The following MSRA variants were observed in gnomAD, a reference collection of about 807,000 sequenced individuals.
MSRA encodes methionine sulfoxide reductase A.
In MSRA, 54 loss-of-function variants were observed where a neutral mutation model predicts 31.3. The observed-to-expected ratio is 1.73, with a 90% confidence interval of 1.39 to 2.17. MSRA has a LOEUF of 2.17. Ranked by LOEUF, MSRA falls within the 30% of genes most tolerant of loss-of-function variation. The probability of loss-of-function intolerance (pLI) is 0.00; values close to 1 mark genes in which losing one functional copy is unlikely to be tolerated. For missense variants in MSRA, 507 were observed against 300.9 expected (o/e 1.69, Z -5.07); for synonymous variants, 169 against 116.5 (o/e 1.45, Z -2.90).
chr8:10,149,471 C>A (rs759633858), intron 1 of MSRA, among the ~76,000 whole-genome samples: 5 of 152,228 alleles, frequency 3.3e-5, no homozygotes, highest in Non-Finnish European at 7.3e-5. Flanking sequence ...CCTGCCCAGG[C>A]CCCTCCAGGG....
chr8:10,214,005 G>T (rs1809755499), intron 2 of MSRA, among the ~76,000 whole-genome samples: 1 of 152,146 alleles, frequency 6.6e-6, no homozygotes, highest in Non-Finnish European at 1.5e-5. Context: ...TCTTTGGGTT[G>T]TCGTGAGTTT....
intron 1 of MSRA, among the ~76,000 whole-genome samples, chr8:10,181,006 C>G (rs1488358477): frequency 6.6e-6 from 1 of 152,180 alleles, no homozygotes; most frequent in Non-Finnish European, 1.5e-5. Context: ...CTGGACTTCT[C>G]TATCAAATCC....
chr8:10,199,935 A>G (rs537745243), intron 1 of MSRA, among the ~76,000 whole-genome samples: 80 of 152,262 alleles, frequency 5.3e-4, no homozygotes, highest in African/African-American at 1.9e-3. Flanking sequence ...ACATGAGCCA[A>G]AGGACCCGCC....
chr8:10,137,952 G>T (rs560049620), intron 1 of MSRA, among the ~76,000 whole-genome samples: 1 of 152,314 alleles, frequency 6.6e-6, no homozygotes, highest in African/African-American at 2.4e-5. Flanking sequence ...TTCATAGAAG[G>T]AAACTGAAGA....
intron 3 of MSRA, among the ~76,000 whole-genome samples, chr8:10,269,762 C>A (rs1302690145): frequency 6.6e-6 from 1 of 152,232 alleles, no homozygotes; most frequent in African/African-American, 2.4e-5. Flanking sequence ...CGCCATTCCC[C>A]TGCCTCAGCC....
chr8:10,313,042 C>G (rs1426462755), intron 4 of MSRA, among the ~76,000 whole-genome samples: 1 of 152,162 alleles, frequency 6.6e-6, no homozygotes, highest in African/African-American at 2.4e-5. Context: ...TACATGTATG[C>G]TGATTGAAAA....
intron 1 of MSRA, among the ~76,000 whole-genome samples, chr8:10,154,805 A>T (rs1371813768): frequency 6.6e-6 from 1 of 152,092 alleles, no homozygotes; most frequent in African/African-American, 2.4e-5. Flanking sequence ...AGAAAATCAC[A>T]TGTATATTGA....
intron 1 of MSRA, among the ~76,000 whole-genome samples, chr8:10,097,234 C>T (rs1349198982): frequency 6.6e-6 from 1 of 152,114 alleles, no homozygotes; most frequent in Non-Finnish European, 1.5e-5. Flanking sequence ...TAAGTATGTT[C>T]TTCAACTTTT....
chr8:10,182,798 C>T (rs1408668236), intron 1 of MSRA, among the ~76,000 whole-genome samples: 2 of 152,226 alleles, frequency 1.3e-5, no homozygotes, highest in Admixed American at 1.3e-4. Context: ...CATCAAAGCA[C>T]CAGAGAGAGT....
intron 5 of MSRA, among the ~76,000 whole-genome samples, chr8:10,400,819 T>C (rs369336697): frequency 1.3e-5 from 2 of 152,306 alleles, no homozygotes; most frequent in African/African-American, 4.8e-5. Context: ...TGTGAGTGAA[T>C]GTAACTAAAA....
chr8:10,119,059 G>T (rs1437871920), intron 1 of MSRA, among the ~76,000 whole-genome samples: 2 of 152,152 alleles, frequency 1.3e-5, no homozygotes, highest in Admixed American at 1.3e-4. Context: ...AATCCCCTGT[G>T]AGCAGGATGG....
intron 1 of MSRA, among the ~76,000 whole-genome samples, chr8:10,128,695 A>G (rs1801673873): frequency 6.6e-6 from 1 of 152,200 alleles, no homozygotes; most frequent in South Asian, 2.1e-4. Flanking sequence ...TCCAGAACGG[A>G]CAGCAGCTAC....
chr8:10,220,810 C>T (rs1318295058), intron 2 of MSRA, among the ~76,000 whole-genome samples: 1 of 152,174 alleles, frequency 6.6e-6, no homozygotes, highest in Non-Finnish European at 1.5e-5. Context: ...TGGCAGTGGG[C>T]ACTCACATTG....
chr8:10,253,849 C>T (rs868142288), intron 3 of MSRA, among the ~76,000 whole-genome samples: 21 of 151,314 alleles, frequency 1.4e-4, no homozygotes, highest in Non-Finnish European at 2.5e-4. Flanking sequence ...ATAAAGGTTT[C>T]TTTTTTTTTT....
At chr8:10,133,049 C>T (rs1802013436) in intron 1 of MSRA, among the ~76,000 whole-genome samples, 1 of 152,148 alleles carries the variant, frequency 6.6e-6, no homozygotes, top group Non-Finnish European at 1.5e-5. Flanking sequence ...CTTTTAAAGG[C>T]CTACAGCCAT....
chr8:10,362,110 C>T (rs538635341), intron 5 of MSRA, among the ~76,000 whole-genome samples: 30 of 152,258 alleles, frequency 2.0e-4, no homozygotes, highest in Admixed American at 6.5e-4. Context: ...GAGACTTTGG[C>T]AAGTTCGTTG....
chr8:10,416,821 C>A (rs756874721), intron 5 of MSRA, among the ~76,000 whole-genome samples: 1 of 152,228 alleles, frequency 6.6e-6, no homozygotes, highest in African/African-American at 2.4e-5. Context: ...GCTGTGGAGC[C>A]AACAAGCTGA....
At chr8:10,279,700 G>T (rs1459987708) in intron 3 of MSRA, among the ~76,000 whole-genome samples, 1 of 152,176 alleles carries the variant, frequency 6.6e-6, no homozygotes, top group African/African-American at 2.4e-5. Context: ...GAAGGCACAA[G>T]ATATTTTGTG....
At chr8:10,059,038 A>G (rs1269723513) in intron 1 of MSRA, 1 of 152,222 alleles carries the variant, frequency 6.6e-6, no homozygotes, top group African/African-American at 2.4e-5. Context: ...TTCGAGAACT[A>G]CAAAAGAGGA....
Sources: allele counts gnomAD v4.1 joint callset (sites outside exome capture counted in the v4.1 genomes callset), GRCh38; gene constraint gnomAD v4.1.1; transcripts MANE v1.5; gene names NCBI Gene and HGNC (gene_info 2026-07-23, HGNC 2026-07-21).